The following NHS variants were observed in gnomAD, a reference collection of about 807,000 sequenced individuals.
NHS encodes the protein NHS actin remodeling regulator, also known as actin remodeling regulator NHS.
In NHS, 5 loss-of-function variants were observed where a neutral mutation model predicts 72.5. The ratio of observed to expected loss-of-function variants is 0.07; its 90% CI spans 0.04 to 0.14. NHS has a LOEUF of 0.14. Among genes scored for constraint, NHS ranks in the 10% least tolerant of loss-of-function variants. NHS has a pLI of 1.00. For synonymous variants in NHS, 464 were observed against 547.7 expected (o/e 0.85, Z 2.13); for missense variants, 1,072 against 1,355.7 (o/e 0.79, Z 3.29).
At chrX:17,462,943 C>T (rs2064854367) in intron 1 of NHS, among the ~76,000 whole-genome samples, 1 of 111,676 alleles carries the variant, frequency 9.0e-6, no homozygotes, top group Admixed American at 9.5e-5. Flanking sequence ...CATGTATTTG[C>T]TGGGGAAGTT....
chrX:17,460,827 C>A (rs1218445976), intron 1 of NHS, among the ~76,000 whole-genome samples: 1 of 111,907 alleles, frequency 8.9e-6, no homozygotes, highest in African/African-American at 3.2e-5. Flanking sequence ...ATAAGAACCC[C>A]ATGAGGTAGT....
chrX:17,504,367 C>T (rs1352744310), intron 1 of NHS, among the ~76,000 whole-genome samples: 1 of 112,020 alleles, frequency 8.9e-6, no homozygotes, highest in Non-Finnish European at 1.9e-5. Flanking sequence ...AGATTCTCAG[C>T]TAACAAGATA....
At chrX:17,402,556 A>G (rs1256244458) in intron 1 of NHS, among the ~76,000 whole-genome samples, 1 of 112,310 alleles carries the variant, frequency 8.9e-6, no homozygotes, top group Non-Finnish European at 1.9e-5. Context: ...GTGAAAGAAC[A>G]CATTTGCATG....
At chrX:17,496,509 C>T (rs2065012953) in intron 1 of NHS, among the ~76,000 whole-genome samples, 1 of 110,784 alleles carries the variant, frequency 9.0e-6, no homozygotes, top group Admixed American at 9.6e-5. Flanking sequence ...GATAGAAACT[C>T]CTGTTGATTT....
intron 1 of NHS, among the ~76,000 whole-genome samples, chrX:17,673,177 A>AACACACACACACACACAC (rs56271300): frequency 1.5e-5 from 1 of 65,522 alleles, no homozygotes; most frequent in African/African-American, 5.7e-5. Flanking sequence ...TGGAAGATGA[A>AACACACACACACACACAC]ACACACACAC....
chrX:17,662,254 C>A (rs1209967295), intron 1 of NHS, among the ~76,000 whole-genome samples: 2 of 112,040 alleles, frequency 1.8e-5, no homozygotes, highest in Non-Finnish European at 3.8e-5. Context: ...ACATGACAAG[C>A]ACTTAAGTGA....
intron 1 of NHS, among the ~76,000 whole-genome samples, chrX:17,554,276 C>T (rs1232039679): frequency 8.9e-6 from 1 of 112,336 alleles, no homozygotes; most frequent in Non-Finnish European, 1.9e-5. Flanking sequence ...TCCGTAAGGA[C>T]AGCTGTGAAG....
intron 1 of NHS, among the ~76,000 whole-genome samples, chrX:17,674,618 C>T (rs764268635): frequency 2.7e-4 from 30 of 112,188 alleles, no homozygotes; most frequent in Admixed American, 1.9e-3. Flanking sequence ...TCTGATGGGC[C>T]TGTGGCCTTT....
intron 1 of NHS, among the ~76,000 whole-genome samples, chrX:17,393,995 C>T (rs1409810716): frequency 3.6e-5 from 4 of 111,485 alleles, no homozygotes; most frequent in African/African-American, 1.3e-4. Flanking sequence ...ATGAATAGTA[C>T]GACATTCCGC....
chrX:17,571,995 C>T (rs1309882831), intron 1 of NHS, among the ~76,000 whole-genome samples: 1 of 112,142 alleles, frequency 8.9e-6, no homozygotes. Context: ...TTTCTTAATC[C>T]TGAGTTCTAG....
chrX:17,511,824 A>T (rs2065090056), intron 1 of NHS, among the ~76,000 whole-genome samples: 1 of 106,346 alleles, frequency 9.4e-6, no homozygotes, highest in East Asian at 3.0e-4. Context: ...CTTCCTGGGG[A>T]CTCAGGAAGG....
At chrX:17,551,928 A>G (rs1166473133) in intron 1 of NHS, among the ~76,000 whole-genome samples, 1 of 111,904 alleles carries the variant, frequency 8.9e-6, no homozygotes, top group African/African-American at 3.3e-5. Context: ...TATAGTATTT[A>G]GATGCTATTT....
intron 1 of NHS, among the ~76,000 whole-genome samples, chrX:17,456,864 A>G (rs1415101468): frequency 1.8e-5 from 2 of 111,954 alleles, no homozygotes; most frequent in East Asian, 2.8e-4. Context: ...AAGCTGCTAC[A>G]AGAGCGGATT....
intron 1 of NHS, chrX:17,528,481 G>C (rs2065183355): frequency 8.9e-6 from 1 of 112,219 alleles, no homozygotes; most frequent in African/African-American, 3.2e-5. Flanking sequence ...GAATCCTTGA[G>C]TTACATGTGA....
chrX:17,633,080 GT>G (rs375112672), intron 1 of NHS, among the ~76,000 whole-genome samples: 172 of 103,832 alleles, frequency 1.7e-3, no homozygotes, highest in African/African-American at 5.1e-3. Flanking sequence ...AAGGGTTTTT[GT>G]TTTTTTTTTT....
At chrX:17,559,974 A>G (rs1021811773) in intron 1 of NHS, among the ~76,000 whole-genome samples, 1 of 111,661 alleles carries the variant, frequency 9.0e-6, no homozygotes, top group African/African-American at 3.3e-5. Context: ...TTTACCCTGG[A>G]ATCCTTGTAT....
chrX:17,398,092 G>A (rs2064485185), intron 1 of NHS, among the ~76,000 whole-genome samples: 1 of 112,148 alleles, frequency 8.9e-6, no homozygotes, highest in African/African-American at 3.2e-5. Flanking sequence ...AGGCCTTAGA[G>A]AAACTGAAGA....
intron 3 of NHS, among the ~76,000 whole-genome samples, chrX:17,704,805 A>G (rs1452842168): frequency 1.8e-5 from 2 of 112,072 alleles, no homozygotes; most frequent in Non-Finnish European, 3.8e-5. Context: ...CAAGTCAGAA[A>G]TATATTCAAT....
intron 1 of NHS, among the ~76,000 whole-genome samples, chrX:17,644,122 C>T (rs1382368918): frequency 8.9e-6 from 1 of 112,486 alleles, no homozygotes; most frequent in Non-Finnish European, 1.9e-5. Flanking sequence ...TGGCTATCTT[C>T]ATACCACCAT....
Sources: allele counts gnomAD v4.1 joint callset (sites outside exome capture counted in the v4.1 genomes callset), GRCh38; gene constraint gnomAD v4.1.1; transcripts MANE v1.5; gene names NCBI Gene and HGNC (gene_info 2026-07-23, HGNC 2026-07-21).